Variants in ERCC6L2 observed in about 807,000 individuals in gnomAD.
ERCC6L2 encodes ERCC excision repair 6 like 2, also known as DNA excision repair protein ERCC-6-like 2.
In ERCC6L2, 77 loss-of-function variants were observed where a neutral mutation model predicts 132.0. That is an observed-to-expected ratio of 0.58 (90% confidence interval 0.49 to 0.71). ERCC6L2 has a LOEUF of 0.71. Ranked by LOEUF, ERCC6L2 falls within the 30% of genes least tolerant of loss-of-function variation. ERCC6L2 has a pLI of 0.00. For missense variants in ERCC6L2, 1,542 were observed against 1,837.6 expected (o/e 0.84, Z 2.94); for synonymous variants, 583 against 632.4 (o/e 0.92, Z 1.17).
intron 11 of ERCC6L2, among the ~76,000 whole-genome samples, chr9:95,937,532 T>C (rs925632479): frequency 6.6e-6 from 1 of 152,116 alleles, no homozygotes; most frequent in African/African-American, 2.4e-5. Flanking sequence ...TTAATAGTTA[T>C]AGGACTATTC....
intron 19 of ERCC6L2, among the ~76,000 whole-genome samples, chr9:96,027,313 AGGACAGGCTGCCTGGGGAACCG>A (rs1161889691): frequency 1.1e-4 from 17 of 152,288 alleles, no homozygotes; most frequent in African/African-American, 4.1e-4. Context: ...AGTGACCGGC[AGGACAGGCTGCCTGGGGAACCG>A]GGAAGGCTGA....
At chr9:95,909,401 A>T (rs1329740328) in intron 4 of ERCC6L2, among the ~76,000 whole-genome samples, 1 of 152,192 alleles carries the variant, frequency 6.6e-6, no homozygotes, top group African/African-American at 2.4e-5. Flanking sequence ...TATCCCAAAC[A>T]AGGTAAAAAC....
chr9:95,901,701 C>A (rs930555122), intron 3 of ERCC6L2, among the ~76,000 whole-genome samples: 2 of 152,192 alleles, frequency 1.3e-5, no homozygotes, highest in Non-Finnish European at 1.5e-5. Flanking sequence ...TGGTACTGCC[C>A]TTCCAGGCAT....
intron 4 of ERCC6L2, among the ~76,000 whole-genome samples, chr9:95,907,857 C>CACAAACACACACACACACA: frequency 9.7e-5 from 13 of 133,816 alleles, no homozygotes; most frequent in South Asian, 5.0e-4. Flanking sequence ...ACACACACAC[C>CACAAACACACACACACACA]CCCACACCCA....
Position 95,897,946 on chromosome 9 carries a change from A to T in ERCC6L2, c.569A>T (p.Glu190Val), listed in dbSNP as rs1189690341. 11 of 1,611,784 alleles carry T rather than the reference A, an allele frequency of 6.8e-6. No individual in the cohort carries two copies. The highest frequency in any genetic ancestry group is 9.3e-6 in the Non-Finnish European group (11 of 1,179,012). ...TTTTTACTAAGAAGTATGAAAAAGG[A>T]ACCCCTTTCTTCTACAGCAAAAAAG... ...PEFLLRSMKKEPLSSTAKKMF... is the reference protein window; with the variant it reads ...PEFLLRSMKKVPLSSTAKKMF... The change falls in exon 3 of 19, where the codon GAA (glutamate) becomes GTA (valine). Residue 190 changes from glutamate (E) to valine (V), a missense_variant. This residue lies in a region of ERCC6L2 where 945 missense variants were observed against 1,105.2 expected (regional missense o/e 0.86). Coordinates refer to ENST00000653738, the MANE Select transcript of ERCC6L2 (RefSeq NM_020207.7).
chr9:95,958,232 CA>C (rs1831714547), intron 13 of ERCC6L2, among the ~76,000 whole-genome samples: 1 of 151,986 alleles, frequency 6.6e-6, no homozygotes, highest in East Asian at 1.9e-4. Context: ...CATAGTATTC[CA>C]TGGTGTATAT....
chr9:95,876,206 A>G, intron 1 of ERCC6L2, 122 bp downstream of exon 1: 2 of 905,368 alleles, frequency 2.2e-6, no homozygotes, highest in East Asian at 5.5e-5. Flanking sequence ...TGACAGCTGC[A>G]GATTGTGAAC....
At chr9:95,897,509 T>C (rs924800305) in intron 2 of ERCC6L2, among the ~76,000 whole-genome samples, 11 of 152,276 alleles carry the variant, frequency 7.2e-5, no homozygotes, top group African/African-American at 2.6e-4. Flanking sequence ...CAAGAATGTA[T>C]ACAGTTTATT....
chr9:96,006,879 C>T (rs1330962823), intron 18 of ERCC6L2, among the ~76,000 whole-genome samples: 2 of 151,882 alleles, frequency 1.3e-5, no homozygotes, highest in Admixed American at 1.3e-4. Flanking sequence ...CTTAATGGGA[C>T]CAGAATTTCT....
At chr9:95,998,865 T>C (rs923488346) in intron 17 of ERCC6L2, among the ~76,000 whole-genome samples, 10 of 152,208 alleles carry the variant, frequency 6.6e-5, no homozygotes, top group Admixed American at 5.9e-4. Flanking sequence ...AACCCATACA[T>C]AGTTTATACA....
rs112100869 is a variant in ERCC6L2 at position 95,931,466 on chromosome 9, C to T, written c.1751+2602C>T. Among the ~76,000 whole-genome samples, 1,152 of 152,166 alleles carry T rather than the reference C, an allele frequency of 7.6e-3. 23 individuals carry two copies. The highest frequency in any genetic ancestry group is 0.027 in the African/African-American group (1,119 of 41,510). ...ATGCTGTTTTTATTCTTGACTTGCCCCTTTGTTTTCCTAGGAAATATCCTC... is the reference window on the plus strand; with the variant it reads ...ATGCTGTTTTTATTCTTGACTTGCCTCTTTGTTTTCCTAGGAAATATCCTC... On this transcript the variant is annotated intron_variant, in intron 11 of 18. Transcript: ENST00000653738.
intron 17 of ERCC6L2, among the ~76,000 whole-genome samples, chr9:95,995,326 T>A (rs1211536025): frequency 6.6e-6 from 1 of 152,210 alleles, no homozygotes; most frequent in Non-Finnish European, 1.5e-5. Flanking sequence ...AGAAAAAGTA[T>A]TATCAAAGTT....
Position 96,013,185 on chromosome 9 carries a change from TAC to T in ERCC6L2, c.4639_4640del (p.Gln1547GlufsTer7). 1 of 1,363,366 alleles carries T rather than the reference TAC, an allele frequency of 7.3e-7. No homozygotes were observed. 84.5% of individuals were successfully genotyped at this position (1,363,366 alleles called of 1,614,324 possible). On this transcript the variant is annotated frameshift_variant, in exon 19 of 19. Transcript: ENST00000653738. LOFTEE classifies it high-confidence loss of function. The part of the protein sequence containing the change: ...PSDTDENATN[T>X]QSTT ...GTGATACAGATGAAAACGCAACCAA[TAC>T]ACAGAGTACCACATAAGCATATAAA...
chr9:95,902,749 T>C (rs1419261907), intron 3 of ERCC6L2, among the ~76,000 whole-genome samples: 1 of 152,152 alleles, frequency 6.6e-6, no homozygotes, highest in Non-Finnish European at 1.5e-5. Context: ...CTGAGAGATT[T>C]AAAATTTTTA....
chr9:96,015,561 C>T lies in ERCC6L2; in HGVS notation c.*2358C>T, dbSNP rs1382293698. The stretch of plus-strand genomic sequence containing the variant: ...CTGTAATCCCAGCACTTTGGGAGGC[C>T]GAGGCAGGCGGATCACAAGGTCATG... On this transcript the variant is annotated 3_prime_UTR_variant, in exon 19 of 19. Transcript: ENST00000653738. Among the ~76,000 whole-genome samples the T allele has an allele frequency of 2.6e-5, 4 of 151,456 alleles. No individual in the cohort carries two copies. Among genetic ancestry groups the T allele is most frequent in the East Asian group, 4.0e-4 (2 of 4,998 alleles).
intron 9 of ERCC6L2, 63 bp downstream of exon 9, chr9:95,923,442 G>T: frequency 6.4e-7 from 1 of 1,574,652 alleles, no homozygotes; most frequent in South Asian, 1.1e-5. Context: ...TCAGTGGTAT[G>T]ACAGAGACAC....
intron 16 of ERCC6L2, among the ~76,000 whole-genome samples, chr9:95,974,722 T>TTTTGTGTG (rs1554756061): frequency 6.7e-6 from 1 of 149,702 alleles, no homozygotes; most frequent in Non-Finnish European, 1.5e-5. Flanking sequence ...GTGGCCAGAT[T>TTTTGTGTG]TGTGTGTGTG....
chr9:95,946,028 A>T (rs73534696), intron 12 of ERCC6L2, among the ~76,000 whole-genome samples: 3,798 of 152,250 alleles, frequency 0.025, 165 homozygotes, highest in African/African-American at 0.088. Flanking sequence ...AATCAGGGAG[A>T]TGGTAACAAA....
At chr9:95,889,453 A>AT (rs1828044547) in intron 2 of ERCC6L2, among the ~76,000 whole-genome samples, 1 of 151,870 alleles carries the variant, frequency 6.6e-6, no homozygotes, top group Admixed American at 6.6e-5. Flanking sequence ...TAAAAAGAGT[A>AT]TATCTGTCAA....
Sources: allele counts gnomAD v4.1 joint callset (sites outside exome capture counted in the v4.1 genomes callset), GRCh38; gene constraint gnomAD v4.1.1; regional missense constraint gnomAD v4.1.1; transcripts MANE v1.5; gene names NCBI Gene and HGNC (gene_info 2026-07-23, HGNC 2026-07-21).